Variants in FMN1 observed in about 807,000 individuals in gnomAD.
FMN1 encodes formin-1.
A neutral mutation model predicts 132.4 loss-of-function variants in FMN1; 110 were observed. That is an observed-to-expected ratio of 0.83 (90% CI 0.71 to 0.97). FMN1 has a LOEUF of 0.97. FMN1 is among the 50% of genes least tolerant of loss of function. FMN1 has a pLI of 0.00. For synonymous variants in FMN1, 722 were observed against 651.7 expected (o/e 1.11, Z -1.64); for missense variants, 1,792 against 1,705.3 (o/e 1.05, Z -0.90).
intron 4 of FMN1, among the ~76,000 whole-genome samples, chr15:33,110,165 T>C: frequency 6.6e-6 from 1 of 152,078 alleles, no homozygotes; most frequent in Admixed American, 6.6e-5. Flanking sequence ...TTCTCTAAAA[T>C]GCAAACATTC....
At chr15:33,046,943 T>C (rs1448313444) in intron 6 of FMN1, among the ~76,000 whole-genome samples, 2 of 152,182 alleles carry the variant, frequency 1.3e-5, no homozygotes, top group Non-Finnish European at 2.9e-5. Context: ...TAGAACCTCA[T>C]AAACCCGCTG....
intron 8 of FMN1, among the ~76,000 whole-genome samples, chr15:32,966,597 C>T (rs748124040): frequency 1.1e-4 from 17 of 152,062 alleles, no homozygotes; most frequent in South Asian, 2.1e-4. Flanking sequence ...CTAGAAATCA[C>T]GAAAGAGACA....
chr15:33,126,325 TAGAG>T (rs536085549), intron 4 of FMN1, among the ~76,000 whole-genome samples: 240 of 152,146 alleles, frequency 1.6e-3, no homozygotes, highest in African/African-American at 5.0e-3. Flanking sequence ...AACAGTCTAA[TAGAG>T]AGGAGGCAGA....
At chr15:33,179,082 A>G (rs1290987270) in intron 3 of FMN1, among the ~76,000 whole-genome samples, 1 of 152,216 alleles carries the variant, frequency 6.6e-6, no homozygotes, top group Admixed American at 6.5e-5. Flanking sequence ...TTTCCAATAA[A>G]CACAACAATT....
At chr15:33,064,724 T>TCA (rs2037639279) in intron 6 of FMN1, 1 of 338,340 alleles carries the variant, frequency 3.0e-6, no homozygotes, top group Admixed American at 4.9e-5. Context: ...TTCTCCTACT[T>TCA]CACACACATT....
At chr15:32,824,690 C>T (rs2058320618) in intron 17 of FMN1, among the ~76,000 whole-genome samples, 1 of 152,192 alleles carries the variant, frequency 6.6e-6, no homozygotes, top group Admixed American at 6.5e-5. Flanking sequence ...AATTCCTAGG[C>T]TCAAGTGATC....
intron 10 of FMN1, among the ~76,000 whole-genome samples, chr15:32,924,348 T>A (rs955435091): frequency 6.6e-6 from 1 of 152,220 alleles, no homozygotes; most frequent in African/African-American, 2.4e-5. Flanking sequence ...TTTTGTGGAA[T>A]TTTTAATTTT....
At chr15:33,149,138 C>T (rs770449890) in intron 4 of FMN1, among the ~76,000 whole-genome samples, 1 of 151,886 alleles carries the variant, frequency 6.6e-6, no homozygotes, top group Non-Finnish European at 1.5e-5. Context: ...CCAATTTTTC[C>T]GCATCTTTCT....
At chr15:33,003,236 A>C (rs1439379393) in intron 7 of FMN1, among the ~76,000 whole-genome samples, 3 of 152,228 alleles carry the variant, frequency 2.0e-5, no homozygotes, top group Admixed American at 1.3e-4. Flanking sequence ...AAGGGCATTC[A>C]ATAGGAAAAG....
At chr15:33,176,663 G>A (rs990809603) in intron 3 of FMN1, among the ~76,000 whole-genome samples, 6 of 151,558 alleles carry the variant, frequency 4.0e-5, no homozygotes, top group African/African-American at 1.5e-4. Flanking sequence ...TCTCTTTCCT[G>A]TCCCTATAAA....
At chr15:32,990,789 T>C (rs2033386629) in intron 7 of FMN1, among the ~76,000 whole-genome samples, 2 of 152,236 alleles carry the variant, frequency 1.3e-5, no homozygotes, top group South Asian at 4.2e-4. Flanking sequence ...GAAGCAAACA[T>C]GTCCTTCTTC....
At chr15:33,048,745 G>A (rs1321709645) in intron 6 of FMN1, among the ~76,000 whole-genome samples, 1 of 151,904 alleles carries the variant, frequency 6.6e-6, no homozygotes, top group Non-Finnish European at 1.5e-5. Flanking sequence ...CACATGGATG[G>A]CGGCAGGCAA....
chr15:33,068,116 C>A (rs2037832338), intron 5 of FMN1: 1 of 1,114,808 alleles, frequency 9.0e-7, no homozygotes, highest in Admixed American at 3.6e-5. Flanking sequence ...GGAGTCTATG[C>A]CCAGAAGCAG....
At chr15:33,065,885 G>T (rs2037702509) in intron 5 of FMN1, among the ~76,000 whole-genome samples, 1 of 152,094 alleles carries the variant, frequency 6.6e-6, no homozygotes, top group Non-Finnish European at 1.5e-5. Context: ...CCCATGCACT[G>T]CCTTTGTTTA....
chr15:32,814,135 T>A (rs2057979284), intron 17 of FMN1, among the ~76,000 whole-genome samples: 2 of 152,162 alleles, frequency 1.3e-5, no homozygotes, highest in South Asian at 4.1e-4. Context: ...AGTCAGGTGG[T>A]CACATTCTCA....
At chr15:32,823,866 C>T (rs1290033481) in intron 17 of FMN1, among the ~76,000 whole-genome samples, 1 of 152,222 alleles carries the variant, frequency 6.6e-6, no homozygotes, top group Admixed American at 6.5e-5. Context: ...GTATTCTTCA[C>T]AGAACAGGCT....
At chr15:33,043,755 G>A (rs1170655525) in intron 6 of FMN1, among the ~76,000 whole-genome samples, 1 of 152,242 alleles carries the variant, frequency 6.6e-6, no homozygotes, top group African/African-American at 2.4e-5. Flanking sequence ...CATGCAGCCA[G>A]TGGGAGCCAG....
chr15:32,908,556 A>G lies in FMN1; in HGVS notation c.3311T>C (p.Val1104Ala). The change falls in exon 12 of 21, where the codon GTT becomes GCT. Residue 1104 changes from valine to alanine, a missense_variant. Physicochemically the swap from Val to Ala is moderately conservative, Grantham distance 64 (BLOSUM62 0). This residue lies in a region of FMN1 where 1,150 missense variants were observed against 1,043.1 expected (regional missense o/e 1.10). Coordinates refer to ENST00000616417, the MANE Select transcript of FMN1 (RefSeq NM_001277313.2). ...YENRAQEDEL[V>A]KIRKYYETSK... ...TGTCTCGTAATACTTTCTTATTTTA[A>G]CCAGCTCATCCTCTTGGGCTCTCTG... The G allele has an allele frequency of 1.2e-6, 2 of 1,601,756 alleles. No homozygotes were observed. The highest frequency in any genetic ancestry group is 1.7e-6 in the Non-Finnish European group (2 of 1,172,070).
At chr15:32,792,393 C>T (rs181119774) in intron 19 of FMN1, among the ~76,000 whole-genome samples, 33 of 151,574 alleles carry the variant, frequency 2.2e-4, no homozygotes, top group East Asian at 2.1e-3. Context: ...TGTAGTGAGC[C>T]GAAATCGCGC....
Sources: gnomAD v4.1 joint callset for allele counts (sites outside exome capture counted in the v4.1 genomes callset) on GRCh38, gnomAD v4.1.1 for gene constraint, gnomAD v4.1.1 regional missense constraint, MANE v1.5 for transcripts, NCBI Gene and HGNC (gene_info 2026-07-23, HGNC 2026-07-21) for gene names.